The following WNT3A variants were observed in gnomAD, a reference collection of about 807,000 sequenced individuals.
WNT3A encodes Wnt family member 3A.
Under a neutral mutation model 37.0 loss-of-function variants are expected in WNT3A, and 17 were observed. The ratio of observed to expected loss-of-function variants is 0.46; its 90% CI spans 0.31 to 0.69. The LOEUF is 0.69. WNT3A is among the 30% of genes least tolerant of loss of function. The pLI is 0.05. For synonymous variants in WNT3A, 187 were observed against 211.0 expected (o/e 0.89, Z 0.99); for missense variants, 411 against 510.2 (o/e 0.81, Z 1.87).
intron 2 of WNT3A, among the ~76,000 whole-genome samples, chr1:228,032,093 G>A (rs1254162279): frequency 6.6e-6 from 1 of 152,204 alleles, no homozygotes; most frequent in African/African-American, 2.4e-5. Context: ...ATGTCAGGGT[G>A]TCTCTCACTT....
rs4394650 is a variant in WNT3A, at chr1:228,050,417, G to A, written c.314-239G>A. On this transcript the variant is annotated intron_variant, in intron 2 of 3. Transcript: ENST00000284523. The surrounding 1 kb of genome is among the most constrained non-coding windows in gnomAD (Gnocchi z 5.0). ...CTTGCACACACTGGTTCCCCTTTAC[G>A]CCCCCTTTCCCTTCTGCCACAAGTG... 6.0e-3 allele frequency among the ~76,000 whole-genome samples: 909 copies of A among 152,190 alleles called. 11 individuals are homozygous for A. The highest frequency in any genetic ancestry group is 0.021 in the African/African-American group (878 of 41,520).
At position 228,058,967 on chromosome 1, in the gene WNT3A, T is replaced by C. The variant is rs774636884; in HGVS notation, c.580-19T>C. The C allele has an allele frequency of 1.9e-6, 3 of 1,595,570 alleles. No individual in the cohort carries two copies. The highest frequency in any genetic ancestry group is 2.6e-6 in the Non-Finnish European group (3 of 1,170,080). On this transcript the variant is annotated intron_variant, in intron 3 of 3. Coordinates refer to ENST00000284523, the MANE Select transcript of WNT3A (RefSeq NM_033131.4). ...ACCAGGGGGCCGCCCTGACGCTGGC[T>C]CCTGCGCGTGCCCCGCAGGCCATCG...
At chr1:228,023,406 C>A (rs2030775177) in intron 2 of WNT3A, among the ~76,000 whole-genome samples, 2 of 150,674 alleles carry the variant, frequency 1.3e-5, no homozygotes, top group Admixed American at 6.6e-5. Flanking sequence ...CAGAAAGATG[C>A]AGAGAGAGAC....
chr1:228,059,739 C>A lies in WNT3A; in HGVS notation c.*274C>A, dbSNP rs183645114. On this transcript the variant is annotated 3_prime_UTR_variant, in exon 4 of 4. Coordinates refer to ENST00000284523, the MANE Select transcript of WNT3A (RefSeq NM_033131.4). ...CTCTGCGTTGGCTTCTCCCTGGGGA[C>A]GGGGCTCCCCTGGACAGAGGCGGGG... The A allele has an allele frequency of 9.6e-5, 121 of 1,261,784 alleles. No individual in the cohort carries two copies. In the East Asian group the frequency reaches 3.4e-3, roughly 36 times the overall value. 78.2% of individuals were successfully genotyped at this position (1,261,784 alleles called of 1,614,324 possible). A position where few individuals can be genotyped will look rare whatever the true frequency, so the allele number is the denominator to read the frequency against.
At chr1:228,052,907 A>C (rs1319421498) in intron 3 of WNT3A, among the ~76,000 whole-genome samples, 2 of 152,214 alleles carry the variant, frequency 1.3e-5, no homozygotes, top group African/African-American at 2.4e-5. Flanking sequence ...TGTGTCTCCC[A>C]AAATTCGTAT....
Position 228,050,852 on chromosome 1 carries a change from C to G in WNT3A, c.510C>G (p.Ala170=). ...EFGGMVSREF[A]DARENRPDAR... ...GTGGGATGGTGTCTCGGGAGTTCGC[C>G]GACGCCCGGGAGAACCGGCCAGATG... The change falls in exon 3 of 4, where the codon GCC becomes GCG. Residue 170 remains alanine, a synonymous_variant. Transcript: ENST00000284523. This position sits in a 1 kb window ranked among gnomAD's most constrained non-coding sequence, Gnocchi z 5.0. 1 of 1,595,916 alleles carries G rather than the reference C, an allele frequency of 6.3e-7. No individual in the cohort carries two copies. The highest frequency in any genetic ancestry group is 8.6e-7 in the Non-Finnish European group (1 of 1,169,140).
rs2031740019 is a variant in WNT3A at position 228,059,071 on chromosome 1, C to T, written c.665C>T (p.Pro222Leu). ...GTGAAGACATGCTGGTGGTCGCAACCCGACTTCCGCGCCATCGGTGACTTC... is the reference window on the plus strand; with the variant it reads ...GTGAAGACATGCTGGTGGTCGCAACTCGACTTCCGCGCCATCGGTGACTTC... ...CEVKTCWWSQ[P>L]DFRAIGDFLK... Residue 222 changes from proline to leucine, a missense_variant, in exon 4 of 4, where the codon CCC (proline) becomes CTC (leucine). Coordinates refer to ENST00000284523, the MANE Select transcript of WNT3A (RefSeq NM_033131.4). 6.2e-7 allele frequency: 1 copy of T among 1,613,524 alleles called. No homozygotes were observed. Among genetic ancestry groups the T allele is most frequent in the South Asian group, 1.1e-5 (1 of 91,090 alleles).
At position 228,008,999 on chromosome 1, in the gene WNT3A, A is replaced by G. The variant is rs1444250557; in HGVS notation, c.71+1800A>G. Among the ~76,000 whole-genome samples, 3 of 151,852 alleles carry G rather than the reference A, an allele frequency of 2.0e-5. No homozygotes were observed. The highest frequency in any genetic ancestry group is 7.3e-5 in the African/African-American group (3 of 41,308). ...AGGAGCAGAGAAGTGAAGTCCCTGTACCCTCCGCACCCTCCTATCAAGAGT... is the reference window on the plus strand; with the variant it reads ...AGGAGCAGAGAAGTGAAGTCCCTGTGCCCTCCGCACCCTCCTATCAAGAGT... On this transcript the variant is annotated intron_variant, in intron 1 of 3. Coordinates refer to ENST00000284523, the MANE Select transcript of WNT3A (RefSeq NM_033131.4). This position sits in a 1 kb window ranked among gnomAD's most constrained non-coding sequence, Gnocchi z 4.9.
chr1:228,055,415 G>C (rs976373399), intron 3 of WNT3A, among the ~76,000 whole-genome samples: 3 of 150,766 alleles, frequency 2.0e-5, no homozygotes, highest in African/African-American at 7.3e-5. Context: ...AATAGATACA[G>C]GTAGGGACAG....
chr1:228,046,754 TTG>T (rs1271677496), intron 2 of WNT3A, among the ~76,000 whole-genome samples: 1 of 148,280 alleles, frequency 6.7e-6, no homozygotes, highest in African/African-American at 2.5e-5. Flanking sequence ...GCATGTGTGC[TTG>T]TGTGTGGTGG....
chr1:228,038,734 G>A lies in WNT3A; in HGVS notation c.314-11922G>A, dbSNP rs928313384. Among the ~76,000 whole-genome samples the A allele has an allele frequency of 2.0e-5, 3 of 152,166 alleles. No homozygotes were observed. In the East Asian group the frequency reaches 5.8e-4, roughly 29 times the overall value. ...TCATACAGGGTGCAGCGTGCACGGG[G>A]GGCTGTGTTCGCTGTGACCCTCCAT... is the stretch of plus-strand genomic sequence containing the variant. On this transcript the variant is annotated intron_variant, in intron 2 of 3. Transcript: ENST00000284523. The surrounding 1 kb of genome is among the most constrained non-coding windows in gnomAD (Gnocchi z 5.7).
chr1:228,022,623 G>A lies in WNT3A; in HGVS notation c.72-44G>A, dbSNP rs200824622. ...GGTCTGTAGCCTGCTCATCTGTGTC[G>A]CTGTCCCAGCCCCACACTCACCACC... On this transcript the variant is annotated intron_variant, in intron 1 of 3. Coordinates refer to ENST00000284523, the MANE Select transcript of WNT3A (RefSeq NM_033131.4). 307 of 1,581,038 alleles carry A rather than the reference G, an allele frequency of 1.9e-4. 4 individuals carry two copies. In the South Asian group the frequency reaches 2.1e-3, roughly 11 times the overall value.
chr1:228,034,191 G>A (rs186425417), intron 2 of WNT3A, among the ~76,000 whole-genome samples: 1 of 152,278 alleles, frequency 6.6e-6, no homozygotes, highest in East Asian at 1.9e-4. Flanking sequence ...AAGCCCAGGA[G>A]GCGGAGGTTG....
intron 2 of WNT3A, among the ~76,000 whole-genome samples, chr1:228,024,933 A>C (rs2030815988): frequency 1.3e-5 from 2 of 152,206 alleles, no homozygotes; most frequent in Non-Finnish European, 2.9e-5. Flanking sequence ...ACCCTTGTTG[A>C]AAATCAATTG....
rs759291462 is a variant in WNT3A at position 228,058,982 on chromosome 1, G to C, written c.580-4G>C. 1.9e-6 allele frequency: 3 copies of C among 1,605,216 alleles called. No individual in the cohort carries two copies. In the African/African-American group the frequency reaches 4.0e-5, roughly 21 times the overall value. The stretch of plus-strand genomic sequence containing the variant: ...TGACGCTGGCTCCTGCGCGTGCCCC[G>C]CAGGCCATCGCCAGCCACATGCACC... On this transcript the variant is annotated splice_polypyrimidine_tract_variant and splice_region_variant and intron_variant, in intron 3 of 3. Coordinates refer to ENST00000284523, the MANE Select transcript of WNT3A (RefSeq NM_033131.4).
chr1:228,036,908 G>A (rs1013475772), intron 2 of WNT3A, among the ~76,000 whole-genome samples: 4 of 152,212 alleles, frequency 2.6e-5, no homozygotes, highest in African/African-American at 9.6e-5. Context: ...TGGGGCATGT[G>A]CTCCTTAGAG....
intron 1 of WNT3A, among the ~76,000 whole-genome samples, chr1:228,009,934 C>T (rs2030321982): frequency 6.6e-6 from 1 of 152,198 alleles, no homozygotes; most frequent in Non-Finnish European, 1.5e-5. Context: ...TAGCCTAACA[C>T]TGAATGGCCC....
chr1:228,051,309 G>C (rs1184863915), intron 3 of WNT3A, among the ~76,000 whole-genome samples: 1 of 152,068 alleles, frequency 6.6e-6, no homozygotes, highest in Non-Finnish European at 1.5e-5. Flanking sequence ...TTTAGGGGGA[G>C]GGAGGCTGGG....
rs780967992 is a variant in WNT3A, at chr1:228,050,684, C to T, written c.342C>T (p.Ala114=). 1.2e-6 allele frequency: 2 copies of T among 1,611,054 alleles called. No homozygotes were observed. Among genetic ancestry groups the T allele is most frequent in the Non-Finnish European group, 1.7e-6 (2 of 1,178,014 alleles). The change falls in exon 3 of 4, where the codon GCC becomes GCT. Residue 114 remains alanine (A), a synonymous_variant. Transcript: ENST00000284523. This position sits in a 1 kb window ranked among gnomAD's most constrained non-coding sequence, Gnocchi z 5.0. ...CCAGGGAGTCGGCCTTTGTCCACGC[C>T]ATTGCCTCAGCCGGTGTGGCCTTTG... ...KATRESAFVH[A]IASAGVAFAV... is the part of the protein sequence containing the mutation.
Sources: gnomAD v4.1 joint callset for allele counts (sites outside exome capture counted in the v4.1 genomes callset) on GRCh38, gnomAD v4.1.1 for gene constraint, Gnocchi (gnomAD v3.1) non-coding constraint, MANE v1.5 for transcripts, NCBI Gene and HGNC (gene_info 2026-07-23, HGNC 2026-07-21) for gene names.